CALN1: variants seen among roughly 807,000 people sequenced by gnomAD.
CALN1 encodes calneuron 1.
A neutral mutation model predicts 30.6 loss-of-function variants in CALN1; 17 were observed. The ratio of observed to expected loss-of-function variants is 0.56; its 90% CI spans 0.38 to 0.83. The LOEUF is 0.83. Among genes scored for constraint, CALN1 ranks in the 40% least tolerant of loss-of-function variants. CALN1 has a pLI of 0.00. For synonymous variants in CALN1, 156 were observed against 131.4 expected, an observed-to-expected ratio of 1.19 and a Z score of -1.28; for missense variants, 291 against 354.9, an observed-to-expected ratio of 0.82 and a Z score of 1.45.
intron 2 of CALN1, among the ~76,000 whole-genome samples, chr7:72,399,050 A>C (rs1806165427): frequency 1.3e-5 from 2 of 152,052 alleles, no homozygotes; most frequent in Admixed American, 1.3e-4. Context: ...TTTGAGAAAA[A>C]GGAGTAGAAG....
chr7:72,071,703 T>A (rs2129538138), intron 4 of CALN1, among the ~76,000 whole-genome samples: 1 of 152,334 alleles, frequency 6.6e-6, no homozygotes, highest in South Asian at 2.1e-4. Context: ...ATGTTTAGTT[T>A]TCTAACAAAA....
rs114961741 is a variant in CALN1 at position 72,384,304 on chromosome 7, G to A, written c.119+18947C>T. On this transcript the variant is annotated intron_variant, in intron 2 of 6. Coordinates refer to ENST00000395275, the MANE Select transcript of CALN1 (RefSeq NM_031468.4). ...ATTCTCTCCAATATCTACTCCTGGG[G>A]GATTAGAGGAACACAGAGAGAATAA... Among the ~76,000 whole-genome samples the A allele has an allele frequency of 5.9e-3, 899 of 152,154 alleles. 10 individuals are homozygous for A. The highest frequency in any genetic ancestry group is 0.02 in the African/African-American group (847 of 41,508).
At chr7:72,178,175 T>G (rs1384881620) in intron 3 of CALN1, among the ~76,000 whole-genome samples, 2 of 152,118 alleles carry the variant, frequency 1.3e-5, no homozygotes. Flanking sequence ...CATAAAGGAA[T>G]AAAACTCTGA....
intron 5 of CALN1, among the ~76,000 whole-genome samples, chr7:71,835,771 C>A (rs182438016): frequency 5.3e-5 from 8 of 152,096 alleles, no homozygotes; most frequent in Non-Finnish European, 1.0e-4. Flanking sequence ...AGAAACACAC[C>A]GACCCCACTA....
At chr7:72,260,509 T>C (rs760299827) in intron 3 of CALN1, among the ~76,000 whole-genome samples, 1 of 152,188 alleles carries the variant, frequency 6.6e-6, no homozygotes, top group Non-Finnish European at 1.5e-5. Flanking sequence ...CTAAAACATT[T>C]TTCTTAACTT....
intron 3 of CALN1, among the ~76,000 whole-genome samples, chr7:72,148,618 A>G (rs1786967886): frequency 6.6e-6 from 1 of 151,504 alleles, no homozygotes; most frequent in Non-Finnish European, 1.5e-5. Context: ...AGAAAAGAAA[A>G]AAGAGGCTGG....
intron 5 of CALN1, among the ~76,000 whole-genome samples, chr7:71,857,028 G>GTGTGTGTA (rs1554357129): frequency 5.3e-5 from 8 of 149,962 alleles, no homozygotes; most frequent in African/African-American, 2.0e-4. Flanking sequence ...GTGTGTGTGT[G>GTGTGTGTA]TGTGTGTGTG....
chr7:72,355,063 C>G (rs1307087221), intron 2 of CALN1, among the ~76,000 whole-genome samples: 2 of 152,124 alleles, frequency 1.3e-5, no homozygotes, highest in Non-Finnish European at 2.9e-5. Flanking sequence ...CTTGCGCCAC[C>G]ATGCCCGGCT....
At chr7:72,067,416 C>A (rs1804098566) in intron 4 of CALN1, among the ~76,000 whole-genome samples, 1 of 151,700 alleles carries the variant, frequency 6.6e-6, no homozygotes, top group Non-Finnish European at 1.5e-5. Context: ...CCAATTTTTT[C>A]TATTATTATT....
chr7:72,222,223 C>G (rs533705111), intron 3 of CALN1, among the ~76,000 whole-genome samples: 1 of 119,786 alleles, frequency 8.3e-6, no homozygotes, highest in East Asian at 2.4e-4. Flanking sequence ...GAGACTCCGT[C>G]TCAAAAAAAG....
intron 6 of CALN1, among the ~76,000 whole-genome samples, chr7:71,806,260 A>G (rs12216668): frequency 2.0e-5 from 3 of 150,164 alleles, no homozygotes; most frequent in Non-Finnish European, 4.4e-5. Flanking sequence ...GCACACACAC[A>G]CACACACACA....
intron 2 of CALN1, among the ~76,000 whole-genome samples, chr7:72,286,695 T>C (rs1479004416): frequency 5.9e-5 from 9 of 152,238 alleles, no homozygotes; most frequent in African/African-American, 2.2e-4. Context: ...GCATGCCAGT[T>C]GGCAAACACT....
intron 2 of CALN1, among the ~76,000 whole-genome samples, chr7:72,324,023 G>A (rs1167440270): frequency 6.6e-6 from 1 of 151,992 alleles, no homozygotes; most frequent in African/African-American, 2.4e-5. Context: ...GTGAGACTCT[G>A]GGTTTTTTGT....
intron 2 of CALN1, among the ~76,000 whole-genome samples, chr7:72,380,912 A>G (rs1228564270): frequency 6.6e-6 from 1 of 152,196 alleles, no homozygotes; most frequent in African/African-American, 2.4e-5. Flanking sequence ...GCAGGAAGAC[A>G]TGGCCTTTGT....
intron 2 of CALN1, among the ~76,000 whole-genome samples, chr7:72,307,844 A>T (rs1799754080): frequency 6.6e-6 from 1 of 151,988 alleles, no homozygotes. Context: ...GCCTCAGGAC[A>T]TCTGCTGGCA....
rs79681476 is a variant in CALN1, at chr7:71,943,261, G to C, written c.501+80396C>G. Among the ~76,000 whole-genome samples, 757 of 152,198 alleles carry C rather than the reference G, an allele frequency of 5.0e-3. 4 individuals are homozygous for C. Among genetic ancestry groups the C allele is most frequent in the African/African-American group, 0.017 (718 of 41,524 alleles). On this transcript the variant is annotated intron_variant, in intron 5 of 6. Coordinates refer to ENST00000395275, the MANE Select transcript of CALN1 (RefSeq NM_031468.4). Reference sequence around the variant, plus strand: ...CAAATACATTTTAAAACACACACGCGAAACAACACAGTATATTTTAAAATA... The same window carrying C: ...CAAATACATTTTAAAACACACACGCCAAACAACACAGTATATTTTAAAATA...
intron 3 of CALN1, among the ~76,000 whole-genome samples, chr7:72,241,504 C>A (rs1022044468): frequency 1.3e-5 from 2 of 152,020 alleles, no homozygotes; most frequent in Admixed American, 1.3e-4. Context: ...GTCAGGAGTT[C>A]GAGAGCAGCC....
At chr7:71,963,484 T>C (rs1485936135) in intron 5 of CALN1, among the ~76,000 whole-genome samples, 1 of 152,100 alleles carries the variant, frequency 6.6e-6, no homozygotes, top group Non-Finnish European at 1.5e-5. Context: ...TTTGTATTTT[T>C]AGTAGAGACA....
intron 3 of CALN1, among the ~76,000 whole-genome samples, chr7:72,270,155 C>A (rs1796882513): frequency 6.6e-6 from 1 of 151,414 alleles, no homozygotes; most frequent in Non-Finnish European, 1.5e-5. Flanking sequence ...ACCCTAAATG[C>A]TGAAAAATGT....
Sources: gnomAD v4.1 joint callset for allele counts (sites outside exome capture counted in the v4.1 genomes callset) on GRCh38, gnomAD v4.1.1 for gene constraint, MANE v1.5 for transcripts, NCBI Gene and HGNC (gene_info 2026-07-23, HGNC 2026-07-21) for gene names.